WNK1: variants seen among roughly 807,000 people sequenced by gnomAD.
WNK1 encodes the protein WNK lysine deficient protein kinase 1.
Under a neutral mutation model 222.8 loss-of-function variants are expected in WNK1, and 38 were observed. That is an observed-to-expected ratio of 0.17 (90% CI 0.13 to 0.22). The LOEUF (loss-of-function observed/expected upper bound fraction) is 0.22. Among genes scored for constraint, WNK1 ranks in the 10% least tolerant of loss-of-function variants. The probability of loss-of-function intolerance (pLI) is 1.00; values close to 1 mark genes in which losing one functional copy is unlikely to be tolerated. For synonymous variants in WNK1, 1,090 were observed against 1,092.9 expected, an observed-to-expected ratio of 1.00 and a Z score of 0.05; for missense variants, 2,348 against 2,918.4, an observed-to-expected ratio of 0.80 and a Z score of 4.50.
chr12:776,120 A>G (rs1943056531), intron 1 of WNK1, among the ~76,000 whole-genome samples: 1 of 152,030 alleles, frequency 6.6e-6, no homozygotes, highest in East Asian at 1.9e-4. Flanking sequence ...TGCAGCTTTG[A>G]ACTCCTGGGC....
intron 4 of WNK1, among the ~76,000 whole-genome samples, chr12:848,640 T>C (rs1429462713): frequency 6.6e-6 from 1 of 151,698 alleles, no homozygotes; most frequent in Non-Finnish European, 1.5e-5. Context: ...AGTACTTAAA[T>C]ATTGTGGGGG....
At chr12:868,401 C>T in intron 8 of WNK1, 1 of 1,613,944 alleles carries the variant, frequency 6.2e-7, no homozygotes, top group Non-Finnish European at 8.5e-7. Flanking sequence ...CAAGGGGGCC[C>T]TACTTCAAGT....
In WNK1 at chr12:865,207, G is replaced by A. The variant is rs1349210541; in HGVS notation, c.2139+2937G>A. 10 of 1,535,800 alleles carry A rather than the reference G, an allele frequency of 6.5e-6. No homozygotes were observed. Among genetic ancestry groups the A allele is most frequent in the Non-Finnish European group, 8.7e-6 (10 of 1,146,840 alleles). The stretch of plus-strand genomic sequence containing the variant: ...CCAGTGCTCTTCCACCCCACCGCCA[G>A]TACTGTCTGCACCTCTTTCTCCTTC... On this transcript the variant is annotated intron_variant, in intron 8 of 27. Coordinates refer to ENST00000315939, the MANE Select transcript of WNK1 (RefSeq NM_018979.4).
intron 1 of WNK1, among the ~76,000 whole-genome samples, chr12:791,577 A>G (rs1285180652): frequency 6.6e-6 from 1 of 151,656 alleles, no homozygotes; most frequent in Non-Finnish European, 1.5e-5. Flanking sequence ...AAAAAAAACT[A>G]CATTTCCTAT....
intron 19 of WNK1, among the ~76,000 whole-genome samples, chr12:886,675 A>G (rs1246993399): frequency 6.6e-6 from 1 of 152,208 alleles, no homozygotes; most frequent in Non-Finnish European, 1.5e-5. Context: ...CGTCTACTGT[A>G]TTGTATGCTT....
intron 1 of WNK1, among the ~76,000 whole-genome samples, chr12:763,568 G>T (rs552563996): frequency 7.2e-6 from 1 of 139,470 alleles, no homozygotes; most frequent in African/African-American, 2.5e-5. Flanking sequence ...CAGCCTGGGC[G>T]ACAAGAGGGA....
intron 11 of WNK1, 82 bp downstream of exon 11, chr12:880,113 G>C (rs1953015484): frequency 1.5e-6 from 2 of 1,352,268 alleles, no homozygotes; most frequent in East Asian, 2.4e-5. Flanking sequence ...TAATAGTTGA[G>C]TGTCAGAATA....
At chr12:765,335 C>T (rs1941554100) in intron 1 of WNK1, among the ~76,000 whole-genome samples, 2 of 146,120 alleles carry the variant, frequency 1.4e-5, no homozygotes, top group Admixed American at 1.4e-4. Context: ...ATTGCTTGGG[C>T]CCAGGAGTTC....
At chr12:837,108 T>A (rs1949244752) in intron 4 of WNK1, among the ~76,000 whole-genome samples, 1 of 152,170 alleles carries the variant, frequency 6.6e-6, no homozygotes, top group Non-Finnish European at 1.5e-5. Flanking sequence ...GTCCCCAGAA[T>A]CACAGCAGAT....
intron 20 of WNK1, among the ~76,000 whole-genome samples, chr12:888,078 AG>A (rs1321621346): frequency 1.3e-5 from 2 of 152,278 alleles, no homozygotes; most frequent in African/African-American, 4.8e-5. Flanking sequence ...TGTTGTGACC[AG>A]GAAAAATCTT....
chr12:904,124 A>AT, intron 26 of WNK1, among the ~76,000 whole-genome samples: 1 of 152,318 alleles, frequency 6.6e-6, no homozygotes, highest in East Asian at 1.9e-4. Context: ...GGTATTTGAA[A>AT]TTCAAGCAGT....
At chr12:765,669 A>G (rs954756362) in intron 1 of WNK1, among the ~76,000 whole-genome samples, 1 of 152,156 alleles carries the variant, frequency 6.6e-6, no homozygotes, top group Non-Finnish European at 1.5e-5. Context: ...GGTGGCTCAT[A>G]CTTCTAATCT....
chr12:866,567 G>A lies in WNK1; in HGVS notation c.2139+4297G>A, dbSNP rs1034156484. ...AGTAGAGATGGGTTTCACCATGTTT[G>A]GCCAGGATGGTCTTGATCTCCTGAC... On this transcript the variant is annotated intron_variant, in intron 8 of 27. Transcript: ENST00000315939. Among the ~76,000 whole-genome samples, 6 of 152,008 alleles carry A rather than the reference G, an allele frequency of 3.9e-5. No individual in the cohort carries two copies. The East Asian group carries it at 1.2e-3, about 30-fold the overall frequency.
chr12:904,431 T>C (rs973965212), intron 26 of WNK1: 5 of 1,288,660 alleles, frequency 3.9e-6, no homozygotes, highest in Middle Eastern at 2.1e-4. Flanking sequence ...TTTAACACAT[T>C]GCTTCTCTCT....
At chr12:850,253 C>T (rs1348332633) in intron 4 of WNK1, among the ~76,000 whole-genome samples, 18 of 152,154 alleles carry the variant, frequency 1.2e-4, no homozygotes, top group South Asian at 2.1e-4. Context: ...TTTTAATGAT[C>T]GCCATTCTAA....
chr12:862,320 A>C, intron 8 of WNK1, 50 bp downstream of exon 8: 1 of 1,587,658 alleles, frequency 6.3e-7, no homozygotes, highest in Non-Finnish European at 8.6e-7. Context: ...GCCAATGGAT[A>C]GTCTGCTAAA....
At chr12:863,081 G>A (rs1470868999) in intron 8 of WNK1, among the ~76,000 whole-genome samples, 1 of 151,750 alleles carries the variant, frequency 6.6e-6, no homozygotes, top group Non-Finnish European at 1.5e-5. Flanking sequence ...ATCTGCCTCT[G>A]AAAGGTATTA....
intron 2 of WNK1, among the ~76,000 whole-genome samples, chr12:820,786 A>G (rs1487863692): frequency 6.6e-6 from 1 of 151,988 alleles, no homozygotes; most frequent in African/African-American, 2.4e-5. Context: ...ATTCTTTGGG[A>G]TTTTTATATA....
chr12:883,759 T>A lies in WNK1; in HGVS notation c.3664-15T>A, dbSNP rs201726656. The A allele has an allele frequency of 6.7e-4, 1,082 of 1,614,054 alleles. 4 individuals carry two copies. The highest frequency in any genetic ancestry group is 4.9e-3 in the Middle Eastern group (30 of 6,062). ...TGCATTTGAGAATGTATTTAATCAC[T>A]TTTGTTTGTTGTAGAAATTGGAAGG... is the stretch of plus-strand genomic sequence containing the variant. On this transcript the variant is annotated splice_polypyrimidine_tract_variant and intron_variant, in intron 16 of 27. Transcript: ENST00000315939.
Sources: allele counts gnomAD v4.1 joint callset (sites outside exome capture counted in the v4.1 genomes callset), GRCh38; gene constraint gnomAD v4.1.1; transcripts MANE v1.5; gene names NCBI Gene and HGNC (gene_info 2026-07-23, HGNC 2026-07-21).